The following STX11 variants were observed in gnomAD, a reference collection of about 807,000 sequenced individuals.
The protein encoded by STX11 is syntaxin 11.
Under a neutral mutation model 19.9 loss-of-function variants are expected in STX11, and 21 were observed. That is an observed-to-expected ratio of 1.06 (90% CI 0.75 to 1.52). The LOEUF is 1.52. Among genes scored for constraint, STX11 ranks in the 40% most tolerant of loss-of-function variants. The pLI is 0.00. For missense variants in STX11, 438 were observed against 405.9 expected (o/e 1.08, Z -0.68); for synonymous variants, 193 against 174.4 (o/e 1.11, Z -0.84).
rs529678831 is a variant in STX11, at chr6:144,166,508, T to C, written c.-6+15805T>C. Among the ~76,000 whole-genome samples the C allele has an allele frequency of 4.6e-5, 7 of 151,108 alleles. No individual in the cohort carries two copies. In the East Asian group the frequency reaches 1.2e-3, roughly 25 times the overall value. On this transcript the variant is annotated intron_variant, in intron 1 of 1. Transcript: ENST00000367568. ...TCCCTCAGTCTTCCTTTCTTTCTGT[T>C]TCTTTTCTTTTCTTTCCTTTTTTTT...
At position 144,178,580 on chromosome 6, in the gene STX11, G is replaced by A. The variant is rs369379517; in HGVS notation, c.-5-8043G>A. Among the ~76,000 whole-genome samples the A allele has an allele frequency of 1.1e-4, 17 of 152,354 alleles. No individual in the cohort carries two copies. In the South Asian group the frequency reaches 3.3e-3, roughly 30 times the overall value. On this transcript the variant is annotated intron_variant, in intron 1 of 1. Transcript: ENST00000367568. ...GGAAACTGAAAAGCGAATTATGTCA[G>A]AGGGCATCAAATGAGTAAAGTGATT...
At chr6:144,140,251 T>C in the STX11 span, among the ~76,000 whole-genome samples, 7 of 42,900 alleles carry the variant, frequency 1.6e-4, 2 homozygotes, top group African/African-American at 1.0e-3. Flanking sequence ...TATATATATA[T>C]ATATTTATTT....
chr6:144,143,158 T>C, the STX11 span, among the ~76,000 whole-genome samples: 1 of 152,236 alleles, frequency 6.6e-6, no homozygotes, highest in African/African-American at 2.4e-5. Flanking sequence ...AATATATTTC[T>C]AGTCTGCGTG....
upstream of STX11, among the ~76,000 whole-genome samples, chr6:144,150,324 C>T (rs2128745344): frequency 1.3e-5 from 2 of 152,352 alleles, no homozygotes; most frequent in South Asian, 4.1e-4. Context: ...GCGGGAACGC[C>T]CCTGGGCTTG....
At chr6:144,168,021 G>A (rs1358435841) in intron 1 of STX11, among the ~76,000 whole-genome samples, 2 of 152,184 alleles carry the variant, frequency 1.3e-5, no homozygotes, top group African/African-American at 4.8e-5. Flanking sequence ...GGGCAACTAA[G>A]CCCAGTAGCA....
Position 144,150,677 on chromosome 6 carries a change from C to T in STX11, c.-32C>T, listed in dbSNP as rs991441154. ...GCGCCCTGCCGGGAGAGGGGCTTCT[C>T]GGTTCGCACTCTCGCTCCCAGTCCA... On this transcript the variant is annotated 5_prime_UTR_variant, in exon 1 of 2. Transcript: ENST00000367568. The T allele has an allele frequency of 6.1e-6, 6 of 983,678 alleles. No individual in the cohort carries two copies. The African/African-American group carries it at 8.8e-5, about 14-fold the overall frequency. 60.9% of individuals were successfully genotyped at this position (983,678 alleles called of 1,614,324 possible). A position where few individuals can be genotyped will look rare whatever the true frequency, so the allele number is the denominator to read the frequency against.
chr6:144,174,991 G>A lies in STX11; in HGVS notation c.-5-11632G>A, dbSNP rs116121540. Among the ~76,000 whole-genome samples the A allele has an allele frequency of 2.4e-3, 363 of 151,820 alleles. 3 individuals are homozygous for A. The highest frequency in any genetic ancestry group is 8.4e-3 in the African/African-American group (346 of 41,422). ...CTACAAAAGATATAAAAATTAGCCC[G>A]CAGTCCCAGCTACTCGGGAGGCTGA... is the stretch of plus-strand genomic sequence containing the variant. On this transcript the variant is annotated intron_variant, in intron 1 of 1. Transcript: ENST00000367568. The surrounding 1 kb of genome is among the most constrained non-coding windows in gnomAD (Gnocchi z 5.3).
upstream of STX11, among the ~76,000 whole-genome samples, chr6:144,147,023 T>A (rs1182814173): frequency 6.6e-6 from 1 of 152,176 alleles, no homozygotes; most frequent in African/African-American, 2.4e-5. The surrounding 1 kb of genome is among the most constrained non-coding windows in gnomAD (Gnocchi z 4.2). Flanking sequence ...TAAATTTCCA[T>A]GTGTGCATTG....
In STX11 at chr6:144,165,395, C is replaced by T. The variant is rs751324869; in HGVS notation, c.-6+14692C>T. 7.9e-5 allele frequency among the ~76,000 whole-genome samples: 12 copies of T among 151,570 alleles called. No individual in the cohort carries two copies. The highest frequency in any genetic ancestry group is 1.2e-4 in the African/African-American group (5 of 41,280). On this transcript the variant is annotated intron_variant, in intron 1 of 1. Coordinates refer to ENST00000367568, the MANE Select transcript of STX11 (RefSeq NM_003764.4). This position sits in a 1 kb window ranked among gnomAD's most constrained non-coding sequence, Gnocchi z 5.8. ...GCTTGAACCCGGGAGGCGGAGGTTG[C>T]GGTGAGCAGAGATCGCGCCATTGCA...
rs1801309363 is a variant in STX11 at position 144,160,576 on chromosome 6, T to C, written c.-6+9873T>C. On this transcript the variant is annotated intron_variant, in intron 1 of 1. Transcript: ENST00000367568. The surrounding 1 kb of genome is among the most constrained non-coding windows in gnomAD (Gnocchi z 4.3). ...ATCACAAAGCAAATAGGCCAAGTGC[T>C]AACATGTGCATATTTAACCTATGAA... Among the ~76,000 whole-genome samples the C allele has an allele frequency of 2.6e-5, 4 of 152,204 alleles. No homozygotes were observed. Among genetic ancestry groups the C allele is most frequent in the African/African-American group, 9.7e-5 (4 of 41,448 alleles).
At chr6:144,166,525 CT>C (rs1174123119) in intron 1 of STX11, among the ~76,000 whole-genome samples, 6,350 of 125,472 alleles carry the variant, frequency 0.051, 233 homozygotes, top group African/African-American at 0.16. Context: ...CTTTTCTTTC[CT>C]TTTTTTTTTT....
chr6:144,168,584 A>T (rs1471669506), intron 1 of STX11, among the ~76,000 whole-genome samples: 1 of 152,196 alleles, frequency 6.6e-6, no homozygotes, highest in Non-Finnish European at 1.5e-5. Context: ...TAAGGAGGTC[A>T]TACATCATTT....
rs374338946 is a variant in STX11, at chr6:144,165,442, C to T, written c.-6+14739C>T. ...TGCACTCCAGCCTGGGCAACAAGAACGAAACTCTGTCTCAAAAAAAAAAAG... is the reference window on the plus strand; with the variant it reads ...TGCACTCCAGCCTGGGCAACAAGAATGAAACTCTGTCTCAAAAAAAAAAAG... On this transcript the variant is annotated intron_variant, in intron 1 of 1. Transcript: ENST00000367568. This position sits in a 1 kb window ranked among gnomAD's most constrained non-coding sequence, Gnocchi z 5.8. 6.7e-6 allele frequency among the ~76,000 whole-genome samples: 1 copy of T among 150,156 alleles called. No homozygotes were observed. Among genetic ancestry groups the T allele is most frequent in the East Asian group, 2.0e-4 (1 of 5,094 alleles).
intron 1 of STX11, among the ~76,000 whole-genome samples, chr6:144,156,160 G>A (rs2128747604): frequency 6.9e-6 from 1 of 145,256 alleles, no homozygotes; most frequent in East Asian, 2.2e-4. Context: ...CACCTCCCGG[G>A]TTCAAGCAAT....
chr6:144,186,727 G>C lies in STX11; in HGVS notation c.100G>C (p.Val34Leu). Reference sequence around the variant, plus strand: ...GTTTGACTCGCCCCACGAGGACATCGTGTTCGAGACGGACCACATCCTGGA... The same window carrying C: ...GTTTGACTCGCCCCACGAGGACATCCTGTTCGAGACGGACCACATCCTGGA... ...DEFDSPHEDI[V>L]FETDHILESL... The change falls in exon 2 of 2, where the codon GTG becomes CTG. Residue 34 changes from valine to leucine, a missense_variant. Val to Leu is a conservative substitution (Grantham distance 32). Transcript: ENST00000367568. 6.2e-7 allele frequency: 1 copy of C among 1,614,170 alleles called. No individual in the cohort carries two copies. The highest frequency in any genetic ancestry group is 8.5e-7 in the Non-Finnish European group (1 of 1,180,038).
the STX11 span, among the ~76,000 whole-genome samples, chr6:144,141,971 T>G: frequency 7.2e-5 from 11 of 152,050 alleles, no homozygotes; most frequent in South Asian, 2.3e-3. Flanking sequence ...CGAGAGCCAC[T>G]GCGCCCGGCC....
At position 144,170,366 on chromosome 6, in the gene STX11, G is replaced by A. The variant is rs984111992; in HGVS notation, c.-5-16257G>A. On this transcript the variant is annotated intron_variant, in intron 1 of 1. Coordinates refer to ENST00000367568, the MANE Select transcript of STX11 (RefSeq NM_003764.4). This position sits in a 1 kb window ranked among gnomAD's most constrained non-coding sequence, Gnocchi z 4.7. ...TGTCTGTGTGTGTGCGTGGGAAGGG[G>A]AATCTGGACATGTGCAGAAAAGATG... Among the ~76,000 whole-genome samples, 5 of 152,156 alleles carry A rather than the reference G, an allele frequency of 3.3e-5. No homozygotes were observed. The highest frequency in any genetic ancestry group is 2.0e-4 in the Admixed American group (3 of 15,276).
the STX11 span, among the ~76,000 whole-genome samples, chr6:144,144,519 G>A: frequency 6.6e-6 from 1 of 152,178 alleles, no homozygotes; most frequent in Non-Finnish European, 1.5e-5. Flanking sequence ...AATCTAGAAA[G>A]TGCTGTCCAA....
In STX11 at chr6:144,150,544, G is replaced by C. The variant is rs555600212; in HGVS notation, c.-165G>C. On this transcript the variant is annotated 5_prime_UTR_variant, in exon 1 of 2. Transcript: ENST00000367568. ...ATGCGGCCGCGGCGGCGCGGAGCTC[G>C]GGCGGCCGTGGAGGAACTCAGCCTC... 20 of 985,394 alleles carry C rather than the reference G, an allele frequency of 2.0e-5. No homozygotes were observed. In the South Asian group the frequency reaches 6.1e-4, roughly 30 times the overall value. 61.0% of individuals were successfully genotyped at this position (985,394 alleles called of 1,614,324 possible). A position where few individuals can be genotyped will look rare whatever the true frequency, so the allele number is the denominator to read the frequency against.
Sources: gnomAD v4.1 joint callset for allele counts (sites outside exome capture counted in the v4.1 genomes callset) on GRCh38, gnomAD v4.1.1 for gene constraint, Gnocchi (gnomAD v3.1) non-coding constraint, MANE v1.5 for transcripts, NCBI Gene and HGNC (gene_info 2026-07-23, HGNC 2026-07-21) for gene names.